Variants in KY observed in about 807,000 individuals in gnomAD.
The protein encoded by KY is kyphoscoliosis peptidase.
In KY, 43 loss-of-function variants were observed where a neutral mutation model predicts 76.1. That is an observed-to-expected ratio of 0.57 (90% CI 0.44 to 0.73). The LOEUF is 0.73. Among genes scored for constraint, KY ranks in the 30% least tolerant of loss-of-function variants. The probability of loss-of-function intolerance (pLI) is 0.00; values close to 1 mark genes in which losing one functional copy is unlikely to be tolerated. For missense variants in KY, 722 were observed against 828.9 expected, an observed-to-expected ratio of 0.87 and a Z score of 1.58; for synonymous variants, 277 against 326.2, an observed-to-expected ratio of 0.85 and a Z score of 1.63.
intron 10 of KY, among the ~76,000 whole-genome samples, chr3:134,606,144 C>T (rs1023969754): frequency 3.3e-5 from 5 of 152,118 alleles, no homozygotes; most frequent in African/African-American, 1.2e-4. Flanking sequence ...TGCTCACGGC[C>T]CCTGGTCCTG....
At chr3:134,633,233 T>C (rs1402141923) in intron 3 of KY, among the ~76,000 whole-genome samples, 1 of 152,078 alleles carries the variant, frequency 6.6e-6, no homozygotes, top group East Asian at 1.9e-4. Context: ...AGAAGAGAAG[T>C]GAATGCTTCA....
intron 3 of KY, among the ~76,000 whole-genome samples, chr3:134,632,193 A>G (rs1964330432): frequency 6.6e-6 from 1 of 152,100 alleles, no homozygotes; most frequent in Non-Finnish European, 1.5e-5. Context: ...CTAATCTTTC[A>G]GTCATTGAGA....
Position 134,649,385 on chromosome 3 carries a change from G to A in KY, c.136+1440C>T, listed in dbSNP as rs1966813104. On this transcript the variant is annotated intron_variant, in intron 1 of 10. Transcript: ENST00000423778. ...CTTTCTAGTGTCAGAGCCTTTAGAA[G>A]TGATGTGATCAGAGAGGATTGGGAG... 2.0e-5 allele frequency among the ~76,000 whole-genome samples: 3 copies of A among 152,280 alleles called. No individual in the cohort carries two copies. In the South Asian group the frequency reaches 6.2e-4, roughly 32 times the overall value.
intron 10 of KY, among the ~76,000 whole-genome samples, chr3:134,606,484 G>A (rs79600209): frequency 0.016 from 2,500 of 152,216 alleles, 58 homozygotes; most frequent in African/African-American, 0.056. Context: ...TAATGTCCCC[G>A]TGGCAAAGCA....
intron 6 of KY, among the ~76,000 whole-genome samples, chr3:134,621,133 A>G (rs1286385162): frequency 1.8e-4 from 27 of 152,342 alleles, no homozygotes; most frequent in Middle Eastern, 3.4e-3. Flanking sequence ...GGACAGCTGT[A>G]GCAGCCCCTG....
chr3:134,635,622 T>C (rs575347924), intron 3 of KY, among the ~76,000 whole-genome samples: 134 of 152,106 alleles, frequency 8.8e-4, no homozygotes, highest in Middle Eastern at 3.4e-3. Flanking sequence ...CCGATGGTGG[T>C]GTATTCTGGA....
intron 8 of KY, chr3:134,615,381 AACATC>A (rs1961349937): frequency 6.6e-6 from 1 of 150,660 alleles, no homozygotes; most frequent in Non-Finnish European, 1.5e-5. Flanking sequence ...CACGTGTGAA[AACATC>A]TATTGGGAAA....
At position 134,604,015 on chromosome 3, in the gene KY, C is replaced by T. The variant is rs372438078; in HGVS notation, c.1550G>A (p.Arg517Gln). ...TQRRYIFQLH[R>Q]EKQTELKVQL... ...GACTTTCAGCTCGGTCTGCTTCTCC[C>T]GGTGCAGCTGGAAGATGTAGCGCCG... The change falls in exon 11 of 11, where the codon CGG (arginine) becomes CAG (glutamine). Residue 517 changes from arginine to glutamine, a missense_variant. Arg to Gln is a conservative substitution (Grantham distance 43, BLOSUM62 1). Coordinates refer to ENST00000423778, the MANE Select transcript of KY (RefSeq NM_178554.6). 56 of 1,613,844 alleles carry T rather than the reference C, an allele frequency of 3.5e-5. No homozygotes were observed. Among genetic ancestry groups the T allele is most frequent in the African/African-American group, 8.0e-5 (6 of 74,926 alleles).
chr3:134,620,845 T>C lies in KY; in HGVS notation c.496A>G (p.Ser166Gly), dbSNP rs2107835873. The C allele has an allele frequency of 6.2e-7, 1 of 1,610,854 alleles. No individual in the cohort carries two copies. Among genetic ancestry groups the C allele is most frequent in the Non-Finnish European group, 8.5e-7 (1 of 1,178,166 alleles). Reference sequence around the variant, plus strand: ...TCACTCACCAGTTCGTCTAGGCCACTCTTGGCTGTCACCTGGGGAGCAGGA... The same window carrying C: ...TCACTCACCAGTTCGTCTAGGCCACCCTTGGCTGTCACCTGGGGAGCAGGA... ...DIYASQVTAK[S>G]GLDELVSDLL... The change falls in exon 7 of 11, where the codon AGT becomes GGT. Residue 166 changes from serine to glycine, a missense_variant. By Grantham distance (56) the Ser-to-Gly change is moderately conservative (BLOSUM62 0). Coordinates refer to ENST00000423778, the MANE Select transcript of KY (RefSeq NM_178554.6).
rs765278820 is a variant in KY at position 134,650,805 on chromosome 3, C to A, written c.136+20G>T. On this transcript the variant is annotated intron_variant, in intron 1 of 10. Coordinates refer to ENST00000423778, the MANE Select transcript of KY (RefSeq NM_178554.6). ...CCAAGGTGCCGGGGGACCCGGGGAC[C>A]CGGGTCGGGCGCGCGTTACCTCCTC... is the stretch of plus-strand genomic sequence containing the variant. 3.2e-6 allele frequency: 5 copies of A among 1,554,966 alleles called. No homozygotes were observed. The highest frequency in any genetic ancestry group is 1.4e-5 in the African/African-American group (1 of 72,186).
chr3:134,646,347 G>A (rs1172631007), intron 2 of KY, among the ~76,000 whole-genome samples: 1 of 152,142 alleles, frequency 6.6e-6, no homozygotes, highest in Non-Finnish European at 1.5e-5. Context: ...TGGGGAGTGT[G>A]TCTTGAGGAC....
rs1467451999 is a variant in KY, at chr3:134,603,840, C to G, written c.1725G>C (p.Trp575Cys). ...WPMFPESFGN[W>C]GQDNELLEPL... ...GTTCCAGCAGCTCATTGTCCTGTCC[C>G]CAGTTGCCAAAGCTCTCAGGGAACA... is the stretch of plus-strand genomic sequence containing the variant. The change falls in exon 11 of 11, where the codon TGG (tryptophan) becomes TGC (cysteine). Residue 575 changes from tryptophan to cysteine, a missense_variant. Trp to Cys is a radical substitution (Grantham distance 215, BLOSUM62 -2). Around this residue, in one of 2 missense-constraint regions of KY, gnomAD observed 552 missense variants for 680.9 expected, o/e 0.81. Transcript: ENST00000423778. 6.2e-7 allele frequency: 1 copy of G among 1,613,998 alleles called. No individual in the cohort carries two copies. The highest frequency in any genetic ancestry group is 8.5e-7 in the Non-Finnish European group (1 of 1,179,884).
intron 3 of KY, among the ~76,000 whole-genome samples, chr3:134,636,320 G>T (rs1193733691): frequency 6.6e-6 from 1 of 152,218 alleles, no homozygotes; most frequent in African/African-American, 2.4e-5. Flanking sequence ...GTCACAAAGT[G>T]CAATTCCTCC....
rs1477888598 is a variant in KY, at chr3:134,600,133, A to C, written c.*3446T>G. Among the ~76,000 whole-genome samples the C allele has an allele frequency of 1.3e-5, 2 of 152,194 alleles. No homozygotes were observed. On this transcript the variant is annotated 3_prime_UTR_variant, in exon 11 of 11. Coordinates refer to ENST00000423778, the MANE Select transcript of KY (RefSeq NM_178554.6). Reference sequence around the variant, plus strand: ...GCAATAGAGGCACACCATCTTCGAAAATTTTGCCAATAGCAAATGATGTAG... The same window carrying C: ...GCAATAGAGGCACACCATCTTCGAACATTTTGCCAATAGCAAATGATGTAG...
intron 8 of KY, among the ~76,000 whole-genome samples, chr3:134,616,348 G>A (rs563438757): frequency 6.6e-6 from 1 of 152,314 alleles, no homozygotes; most frequent in African/African-American, 2.4e-5. Flanking sequence ...CAGGGAGGTG[G>A]AATGGACTGG....
chr3:134,631,351 T>G (rs549602546), intron 3 of KY, among the ~76,000 whole-genome samples: 1 of 152,182 alleles, frequency 6.6e-6, no homozygotes, highest in African/African-American at 2.4e-5. Flanking sequence ...CCAAGAGAAT[T>G]TGGTACCAAC....
At position 134,627,756 on chromosome 3, in the gene KY, C is replaced by T; in HGVS notation, c.400G>A (p.Ala134Thr). The change falls in exon 5 of 11, where the codon GCC (alanine) becomes ACC (threonine). Residue 134 changes from alanine (A) to threonine (T), a missense_variant and splice_region_variant. Ala to Thr is a moderately conservative substitution (Grantham distance 58). Coordinates refer to ENST00000423778, the MANE Select transcript of KY (RefSeq NM_178554.6). Reference protein sequence around the residue: ...PRQPGGKDAHAYPWDRSSLKS... With the variant: ...PRQPGGKDAHTYPWDRSSLKS... ...TGTCCTGGAAGACTCTGGAACTTAC[C>T]ATGGGCATCTTTCCCTCCAGGTTGC... 6.2e-7 allele frequency: 1 copy of T among 1,613,660 alleles called. No homozygotes were observed. The highest frequency in any genetic ancestry group is 2.2e-5 in the East Asian group (1 of 44,882).
In KY at chr3:134,625,045, T is replaced by C. The variant is rs1577695138; in HGVS notation, c.483+8A>G. On this transcript the variant is annotated splice_region_variant and intron_variant, in intron 6 of 10. Transcript: ENST00000423778. ...GGGGCCCATGGTCAGAGCGGCCAGC[T>C]GTCCTACCTGTGAGGCGTAGATATC... 1.3e-6 allele frequency: 2 copies of C among 1,588,560 alleles called. No homozygotes were observed. Among genetic ancestry groups the C allele is most frequent in the Non-Finnish European group, 8.6e-7 (1 of 1,166,966 alleles).
At chr3:134,630,573 C>G (rs549752914) in intron 3 of KY, among the ~76,000 whole-genome samples, 1 of 152,256 alleles carries the variant, frequency 6.6e-6, no homozygotes, top group African/African-American at 2.4e-5. Flanking sequence ...TAGATGGACT[C>G]CTGTGGTCAC....
Sources: gnomAD v4.1 joint callset for allele counts (sites outside exome capture counted in the v4.1 genomes callset) on GRCh38, gnomAD v4.1.1 for gene constraint, gnomAD v4.1.1 regional missense constraint, MANE v1.5 for transcripts, NCBI Gene and HGNC (gene_info 2026-07-23, HGNC 2026-07-21) for gene names.